The following OSBPL11 variants were observed in gnomAD, a reference collection of about 807,000 sequenced individuals.
The protein encoded by OSBPL11 is oxysterol-binding protein-related protein 11.
OSBPL11 carries 33 observed loss-of-function variants against 84.4 expected under a neutral mutation model. The observed-to-expected ratio is 0.39, with a 90% confidence interval of 0.30 to 0.52. The LOEUF is 0.52. OSBPL11 is among the 20% of genes least tolerant of loss of function. OSBPL11 has a pLI of 0.72. For missense variants in OSBPL11, 736 were observed against 901.1 expected (o/e 0.82, Z 2.35); for synonymous variants, 276 against 310.2 (o/e 0.89, Z 1.16).
chr3:125,559,778 T>C (rs79779937), intron 8 of OSBPL11, among the ~76,000 whole-genome samples: 13,140 of 152,038 alleles, frequency 0.086, 1,125 homozygotes, highest in African/African-American at 0.22. Context: ...TCCACCTGTC[T>C]CAGCCTCCTG....
rs572429737 is a variant in OSBPL11 at position 125,552,200 on chromosome 3, G to A, written c.1635C>T (p.Gly545=). 1.4e-5 allele frequency: 22 copies of A among 1,599,952 alleles called. No homozygotes were observed. The highest frequency in any genetic ancestry group is 1.0e-4 in the South Asian group (9 of 88,252). ...TKSKFLGMSI[G]VTMVGEGILS... ...ACTTACCTTCTCCAACCATTGTCAC[G>A]CCTATTGACATGCCTAAGAACTTGC... Residue 545 remains glycine, a synonymous_variant, in exon 9 of 13, where the codon GGC becomes GGT. Transcript: ENST00000296220.
At position 125,552,194 on chromosome 3, in the gene OSBPL11, T is replaced by C. The variant is rs1224499565; in HGVS notation, c.1641A>G (p.Thr547=). The change falls in exon 9 of 13, where the codon ACA becomes ACG. Residue 547 remains threonine, a synonymous_variant. Transcript: ENST00000296220. ...TTTTCTACTTACCTTCTCCAACCAT[T>C]GTCACGCCTATTGACATGCCTAAGA... The part of the protein sequence containing the change: ...SKFLGMSIGV[T]MVGEGILSLL... 1 of 1,579,578 alleles carries C rather than the reference T, an allele frequency of 6.3e-7. No homozygotes were observed.
chr3:125,538,129 T>TG (rs1478304191), intron 11 of OSBPL11, among the ~76,000 whole-genome samples: 3 of 152,258 alleles, frequency 2.0e-5, no homozygotes, highest in African/African-American at 7.2e-5. Flanking sequence ...GTTTTTGTAT[T>TG]GGGGTGCCTG....
intron 7 of OSBPL11, 116 bp downstream of exon 7, chr3:125,563,580 CAA>C (rs1484116394): frequency 1.0e-6 from 1 of 960,754 alleles, no homozygotes; most frequent in Non-Finnish European, 1.6e-6. Context: ...TTAGAATCTT[CAA>C]GAGTGTTGCT....
At position 125,594,862 on chromosome 3, in the gene OSBPL11, G is replaced by T; in HGVS notation, c.-62C>A. 6.5e-7 allele frequency: 1 copy of T among 1,531,752 alleles called. No individual in the cohort carries two copies. The highest frequency in any genetic ancestry group is 8.8e-7 in the Non-Finnish European group (1 of 1,137,700). The allele number at this position is 1,531,752 out of a possible 1,614,324, so 94.9% of individuals were successfully genotyped here. A position where few individuals can be genotyped will look rare whatever the true frequency, so the allele number is the denominator to read the frequency against. ...AGAGAACAATTCTGTAGTTCTGTAG[G>T]TGACTTTTTTTTTTTAAGATTTGAT... On this transcript the variant is annotated 5_prime_UTR_variant, in exon 1 of 13. Coordinates refer to ENST00000296220, the MANE Select transcript of OSBPL11 (RefSeq NM_022776.5).
chr3:125,546,321 C>G (rs1935814740), intron 10 of OSBPL11, among the ~76,000 whole-genome samples: 1 of 151,654 alleles, frequency 6.6e-6, no homozygotes, highest in Non-Finnish European at 1.5e-5. Context: ...GCACCTTCCA[C>G]CACACTCGGC....
intron 12 of OSBPL11, among the ~76,000 whole-genome samples, chr3:125,531,469 T>G (rs1301803219): frequency 6.6e-6 from 1 of 151,770 alleles, no homozygotes; most frequent in Non-Finnish European, 1.5e-5. Context: ...TGTTGTATTT[T>G]TAGTAGAGAC....
chr3:125,582,895 A>G lies in OSBPL11; in HGVS notation c.233+15T>C, dbSNP rs371688237. 15 of 1,565,792 alleles carry G rather than the reference A, an allele frequency of 9.6e-6. No homozygotes were observed. The African/African-American group carries it at 2.1e-4, about 22-fold the overall frequency. ...TCTTAGGAGAGACTGATGTGACACA[A>G]ATAATCACACTTACCTGTACTGCCA... On this transcript the variant is annotated intron_variant, in intron 2 of 12. Transcript: ENST00000296220.
intron 11 of OSBPL11, among the ~76,000 whole-genome samples, chr3:125,537,204 T>A (rs968691111): frequency 1.3e-5 from 2 of 151,714 alleles, no homozygotes; most frequent in South Asian, 2.1e-4. Context: ...ATCCAGATTT[T>A]AAAAAAACTA....
intron 1 of OSBPL11, among the ~76,000 whole-genome samples, chr3:125,583,767 A>T (rs1436060418): frequency 1.3e-5 from 2 of 152,102 alleles, no homozygotes; most frequent in African/African-American, 2.4e-5. Context: ...AATAATAAAT[A>T]AAGCCCACAA....
At chr3:125,538,273 A>AT (rs1935672977) in intron 11 of OSBPL11, among the ~76,000 whole-genome samples, 178 bp downstream of exon 11, 1 of 152,224 alleles carries the variant, frequency 6.6e-6, no homozygotes, top group Non-Finnish European at 1.5e-5. Flanking sequence ...ATGTGACTGT[A>AT]TATCAAAGAA....
At chr3:125,576,168 T>G (rs762809380) in intron 5 of OSBPL11, 21 bp downstream of exon 5, 1 of 1,585,752 alleles carries the variant, frequency 6.3e-7, no homozygotes, top group African/African-American at 1.4e-5. Flanking sequence ...GCATTTTAAC[T>G]TGACTTTAAT....
chr3:125,572,024 G>C (rs977355455), intron 5 of OSBPL11, among the ~76,000 whole-genome samples: 6 of 152,246 alleles, frequency 3.9e-5, no homozygotes, highest in African/African-American at 1.4e-4. Context: ...CAGCCAGGAG[G>C]GAGGCTGTGC....
Position 125,595,220 on chromosome 3 carries a change from T to G in OSBPL11, c.-420A>C, listed in dbSNP as rs1314233015. The G allele has an allele frequency of 6.4e-6, 1 of 156,776 alleles. No individual in the cohort carries two copies. The highest frequency in any genetic ancestry group is 6.3e-5 in the Admixed American group (1 of 15,786). The allele number at this position is 156,776 out of a possible 1,614,324, so 9.7% of individuals were successfully genotyped here. On this transcript the variant is annotated 5_prime_UTR_variant, in exon 1 of 13. Transcript: ENST00000296220. ...GGGGCTGACCCGCCGCGCTCCCTCG[T>G]CTCCTCCGCAGGTCCTCAGGCAGTG...
rs370816053 is a variant in OSBPL11 at position 125,570,613 on chromosome 3, G to C, written c.667-3018C>G. 1.4e-4 allele frequency among the ~76,000 whole-genome samples: 21 copies of C among 152,234 alleles called. 1 individual carries two copies. In the South Asian group the frequency reaches 2.7e-3, roughly 20 times the overall value. ...CAGTGGGAGGTAACTGAATTATGGG[G>C]GAAGGTCTTTCCCATGCTGTTCTCA... On this transcript the variant is annotated intron_variant, in intron 5 of 12. Transcript: ENST00000296220.
chr3:125,562,045 T>A (rs1165702401), intron 7 of OSBPL11, among the ~76,000 whole-genome samples: 1 of 152,114 alleles, frequency 6.6e-6, no homozygotes. Flanking sequence ...ATCTTGAGAT[T>A]CCCATTCTCT....
At chr3:125,568,758 C>A (rs989185239) in intron 5 of OSBPL11, among the ~76,000 whole-genome samples, 2 of 152,130 alleles carry the variant, frequency 1.3e-5, no homozygotes, top group African/African-American at 4.8e-5. Flanking sequence ...CTAATAGAAC[C>A]AATGGAGTAA....
In OSBPL11 at chr3:125,547,612, G is replaced by A. The variant is rs1559837592; in HGVS notation, c.1655-20C>T. On this transcript the variant is annotated intron_variant, in intron 9 of 12. Transcript: ENST00000296220. ...GGATACCTGAATGTGAAAACATGAG[G>A]GTGGTTAACATCTTTTTAAAGAAAC... The A allele has an allele frequency of 1.3e-6, 2 of 1,548,522 alleles. No individual in the cohort carries two copies. Among genetic ancestry groups the A allele is most frequent in the Non-Finnish European group, 1.8e-6 (2 of 1,140,666 alleles).
At chr3:125,543,054 T>C (rs1344200717) in intron 10 of OSBPL11, among the ~76,000 whole-genome samples, 3 of 152,180 alleles carry the variant, frequency 2.0e-5, no homozygotes, top group African/African-American at 7.2e-5. Flanking sequence ...ACCAGTTCTG[T>C]TGAGGGTCTT....
Sources: gnomAD v4.1 joint callset for allele counts (sites outside exome capture counted in the v4.1 genomes callset) on GRCh38, gnomAD v4.1.1 for gene constraint, MANE v1.5 for transcripts, NCBI Gene and HGNC (gene_info 2026-07-23, HGNC 2026-07-21) for gene names.